Variants in KYNU observed in about 807,000 individuals in gnomAD.
KYNU encodes kynureninase.
Under a neutral mutation model 59.2 loss-of-function variants are expected in KYNU, and 54 were observed. That is an observed-to-expected ratio of 0.91 (90% CI 0.73 to 1.14). KYNU has a LOEUF of 1.14. Among genes scored for constraint, KYNU ranks in the 50% most tolerant of loss-of-function variants. The probability of loss-of-function intolerance (pLI) is 0.00; values close to 1 mark genes in which losing one functional copy is unlikely to be tolerated. For missense variants in KYNU, 567 were observed against 554.4 expected, an observed-to-expected ratio of 1.02 and a Z score of -0.23; for synonymous variants, 177 against 192.0, an observed-to-expected ratio of 0.92 and a Z score of 0.65.
intron 10 of KYNU, among the ~76,000 whole-genome samples, chr2:143,000,119 G>A (rs74839971): frequency 0.027 from 4,089 of 152,090 alleles, 180 homozygotes; most frequent in African/African-American, 0.094. Flanking sequence ...ATGGCCCCAG[G>A]ACTTTATAGC....
chr2:142,991,383 C>T (rs1441599059), intron 10 of KYNU, among the ~76,000 whole-genome samples: 3 of 151,910 alleles, frequency 2.0e-5, no homozygotes, highest in Non-Finnish European at 2.9e-5. Context: ...AGATGTGTGA[C>T]TTCACAACAC....
At chr2:142,879,816 T>C (rs1413312884) in intron 1 of KYNU, 2 of 152,230 alleles carry the variant, frequency 1.3e-5, no homozygotes, top group African/African-American at 4.8e-5. Context: ...AGAATGACGC[T>C]AATGAGTATC....
rs1027637256 is a variant in KYNU, at chr2:143,024,255, T to G, written c.903-5372T>G. Among the ~76,000 whole-genome samples, 9 of 152,112 alleles carry G rather than the reference T, an allele frequency of 5.9e-5. No individual in the cohort carries two copies. In the East Asian group the frequency reaches 1.3e-3, roughly 23 times the overall value. On this transcript the variant is annotated intron_variant, in intron 10 of 13. Coordinates refer to ENST00000264170, the MANE Select transcript of KYNU (RefSeq NM_003937.3). ...GTAAAACTATGTTAACTCCTCTATTTGTTTAGTTGTTTATTTTTACACTTT... is the reference window on the plus strand; with the variant it reads ...GTAAAACTATGTTAACTCCTCTATTGGTTTAGTTGTTTATTTTTACACTTT...
In KYNU at chr2:143,042,412, C is replaced by A; in HGVS notation, c.*240C>A. 2.5e-6 allele frequency: 1 copy of A among 398,768 alleles called. No homozygotes were observed. Among genetic ancestry groups the A allele is most frequent in the Non-Finnish European group, 4.6e-6 (1 of 217,680 alleles). The allele number at this position is 398,768 out of a possible 1,614,324, so 24.7% of individuals were successfully genotyped here. A position where few individuals can be genotyped will look rare whatever the true frequency, so the allele number is the denominator to read the frequency against. On this transcript the variant is annotated 3_prime_UTR_variant, in exon 14 of 14. Transcript: ENST00000264170. ...AAAACTGTGTTGGTTCAAGTATTAT[C>A]TATACAGTCTCTATAAGCTGTCACA...
At chr2:142,986,717 G>C (rs1201339143) in intron 10 of KYNU, among the ~76,000 whole-genome samples, 1 of 143,106 alleles carries the variant, frequency 7.0e-6, no homozygotes, top group Non-Finnish European at 1.5e-5. Context: ...ATGCTGGGAA[G>C]AAAAAAAAAA....
At chr2:143,003,066 G>A (rs143342264) in intron 10 of KYNU, among the ~76,000 whole-genome samples, 2 of 152,184 alleles carry the variant, frequency 1.3e-5, no homozygotes, top group African/African-American at 4.8e-5. Flanking sequence ...GTTCCCCTCA[G>A]TACTCAGCAC....
At chr2:142,954,976 A>G in intron 5 of KYNU, 105 bp downstream of exon 5, 1 of 745,416 alleles carries the variant, frequency 1.3e-6, no homozygotes, top group Non-Finnish European at 2.3e-6. Context: ...ATTTAAAAAT[A>G]AATTGTGAGG....
chr2:143,028,579 C>G (rs1306057979), intron 10 of KYNU, among the ~76,000 whole-genome samples: 1 of 150,070 alleles, frequency 6.7e-6, no homozygotes, highest in Non-Finnish European at 1.5e-5. Flanking sequence ...GGCGTGGTGG[C>G]TCAGGCCTGT....
At chr2:142,897,288 T>C (rs912473762) in intron 2 of KYNU, among the ~76,000 whole-genome samples, 2 of 152,212 alleles carry the variant, frequency 1.3e-5, no homozygotes, top group Non-Finnish European at 2.9e-5. Context: ...GGATTATTTG[T>C]CTGCTAATAA....
At chr2:143,028,723 C>A (rs1411696842) in intron 10 of KYNU, among the ~76,000 whole-genome samples, 1 of 151,868 alleles carries the variant, frequency 6.6e-6, no homozygotes, top group Non-Finnish European at 1.5e-5. Flanking sequence ...TGGCACATGC[C>A]TGCAACCCCA....
intron 12 of KYNU, among the ~76,000 whole-genome samples, chr2:143,037,791 A>G (rs565208233): frequency 6.6e-6 from 1 of 152,314 alleles, no homozygotes; most frequent in South Asian, 2.1e-4. Flanking sequence ...GAGAAGCAAA[A>G]AAGAAAATAG....
At chr2:142,916,181 G>A (rs953342511) in intron 2 of KYNU, among the ~76,000 whole-genome samples, 1 of 152,066 alleles carries the variant, frequency 6.6e-6, no homozygotes. Context: ...AAACTAGGGG[G>A]GCTTGTTACA....
intron 4 of KYNU, chr2:142,947,336 C>T: frequency 9.6e-7 from 1 of 1,046,636 alleles, no homozygotes; most frequent in East Asian, 2.6e-5. Flanking sequence ...TTTTCTATTG[C>T]AGATGGGATT....
At chr2:143,001,643 G>A (rs1685710918) in intron 10 of KYNU, among the ~76,000 whole-genome samples, 1 of 152,144 alleles carries the variant, frequency 6.6e-6, no homozygotes, top group East Asian at 1.9e-4. Context: ...CTTCAACTTT[G>A]TTCTGGTTAT....
At chr2:142,886,397 G>A (rs2104910035) in intron 2 of KYNU, among the ~76,000 whole-genome samples, 1 of 152,222 alleles carries the variant, frequency 6.6e-6, no homozygotes, top group South Asian at 2.1e-4. Context: ...TGTAATAAAT[G>A]TTAAAAACAC....
intron 8 of KYNU, among the ~76,000 whole-genome samples, chr2:142,977,797 A>G (rs1431494792): frequency 5.3e-5 from 8 of 152,168 alleles, no homozygotes; most frequent in Admixed American, 2.6e-4. Context: ...GTTCCTACTC[A>G]TAACCAGAGA....
chr2:142,908,932 C>T (rs917654736), intron 2 of KYNU, among the ~76,000 whole-genome samples: 1 of 152,078 alleles, frequency 6.6e-6, no homozygotes, highest in Non-Finnish European at 1.5e-5. Context: ...CCGTGCCCAG[C>T]CAAAATGATC....
At chr2:143,010,067 T>A (rs1686043236) in intron 10 of KYNU, among the ~76,000 whole-genome samples, 1 of 144,112 alleles carries the variant, frequency 6.9e-6, no homozygotes, top group Admixed American at 6.9e-5. Flanking sequence ...CCAGGGCAGT[T>A]AGGCAAGAGA....
chr2:142,974,791 A>G (rs1291016148), intron 8 of KYNU, among the ~76,000 whole-genome samples: 3 of 152,174 alleles, frequency 2.0e-5, no homozygotes, highest in Non-Finnish European at 4.4e-5. Flanking sequence ...CATCTTCACC[A>G]TCGCTGTTCA....
Sources: allele counts gnomAD v4.1 joint callset (sites outside exome capture counted in the v4.1 genomes callset), GRCh38; gene constraint gnomAD v4.1.1; transcripts MANE v1.5; gene names NCBI Gene and HGNC (gene_info 2026-07-23, HGNC 2026-07-21).